MAP2K5: variants seen among roughly 807,000 people sequenced by gnomAD.
The protein encoded by MAP2K5 is dual specificity mitogen-activated protein kinase kinase 5.
MAP2K5 carries 49 observed loss-of-function variants against 83.1 expected under a neutral mutation model. The observed-to-expected ratio is 0.59, with a 90% CI of 0.47 to 0.75. The LOEUF is 0.75. MAP2K5 is among the 30% of genes least tolerant of loss of function. The pLI is 0.00. For synonymous variants in MAP2K5, 202 were observed against 191.8 expected (o/e 1.05, Z -0.44); for missense variants, 457 against 557.5 (o/e 0.82, Z 1.82).
rs2090717687 is a variant in MAP2K5, at chr15:67,802,106, G to A, written c.1243-4540G>A. ...AGCCCTGCCCCCTGCCTCCACGTGG[G>A]AGGGGCCCGGGAGTGTCCTGCTGTC... On this transcript the variant is annotated intron_variant, in intron 21 of 21. Coordinates refer to ENST00000178640, the MANE Select transcript of MAP2K5 (RefSeq NM_145160.3). This position sits in a 1 kb window ranked among gnomAD's most constrained non-coding sequence, Gnocchi z 5.0. 6.6e-6 allele frequency among the ~76,000 whole-genome samples: 1 copy of A among 152,198 alleles called. No individual in the cohort carries two copies. Among genetic ancestry groups the A allele is most frequent in the Non-Finnish European group, 1.5e-5 (1 of 68,030 alleles).
At chr15:67,670,932 C>T (rs1215830267) in intron 13 of MAP2K5, among the ~76,000 whole-genome samples, 5 of 152,132 alleles carry the variant, frequency 3.3e-5, no homozygotes, top group African/African-American at 4.8e-5. Context: ...CCAAGAACTG[C>T]GTATCTGCAG....
At chr15:67,800,048 C>T (rs1338926328) in intron 21 of MAP2K5, among the ~76,000 whole-genome samples, 1 of 152,140 alleles carries the variant, frequency 6.6e-6, no homozygotes, top group African/African-American at 2.4e-5. Context: ...CCTGGCCACG[C>T]CCAGCCTGGA....
At position 67,774,801 on chromosome 15, in the gene MAP2K5, A is replaced by C. The variant is rs149678100; in HGVS notation, c.1242+2049A>C. 6.6e-6 allele frequency among the ~76,000 whole-genome samples: 1 copy of C among 152,204 alleles called. No homozygotes were observed. The highest frequency in any genetic ancestry group is 2.4e-5 in the African/African-American group (1 of 41,440). Reference sequence around the variant, plus strand: ...CACAAAAAGAGCAGTTTATCTCCCAAGCATGGTAACTCCAGCCAGCAGGGT... The same window carrying C: ...CACAAAAAGAGCAGTTTATCTCCCACGCATGGTAACTCCAGCCAGCAGGGT... On this transcript the variant is annotated intron_variant, in intron 21 of 21. Coordinates refer to ENST00000178640, the MANE Select transcript of MAP2K5 (RefSeq NM_145160.3). This position sits in a 1 kb window ranked among gnomAD's most constrained non-coding sequence, Gnocchi z 4.9.
chr15:67,586,551 A>G (rs2085295567), intron 5 of MAP2K5, among the ~76,000 whole-genome samples: 1 of 152,116 alleles, frequency 6.6e-6, no homozygotes, highest in Non-Finnish European at 1.5e-5. Flanking sequence ...TACTTTTTGA[A>G]CATACTGTTT....
chr15:67,594,347 G>A (rs2085478379), intron 7 of MAP2K5, among the ~76,000 whole-genome samples: 1 of 152,084 alleles, frequency 6.6e-6, no homozygotes, highest in Non-Finnish European at 1.5e-5. Context: ...ATTGAGCCTA[G>A]GATATTTATG....
intron 16 of MAP2K5, among the ~76,000 whole-genome samples, chr15:67,709,663 ACT>A (rs989354269): frequency 1.3e-5 from 2 of 152,064 alleles, no homozygotes; most frequent in Non-Finnish European, 2.9e-5. Flanking sequence ...AGAAAGTCCC[ACT>A]CTCATTTTTT....
intron 19 of MAP2K5, among the ~76,000 whole-genome samples, chr15:67,762,587 C>T (rs541505407): frequency 7.1e-5 from 10 of 140,894 alleles, no homozygotes; most frequent in African/African-American, 2.6e-4. Context: ...AAAAAACAAG[C>T]AGACTAAATG....
intron 8 of MAP2K5, chr15:67,628,962 G>C: frequency 3.9e-6 from 3 of 763,768 alleles, no homozygotes; most frequent in Non-Finnish European, 7.1e-6. Context: ...CAATGATTTT[G>C]GCAATTTCAA....
At chr15:67,624,361 A>AAGTGGCAC (rs1275628603) in intron 8 of MAP2K5, among the ~76,000 whole-genome samples, 1 of 149,592 alleles carries the variant, frequency 6.7e-6, no homozygotes, top group Non-Finnish European at 1.5e-5. Flanking sequence ...AAAAAAAAAG[A>AAGTGGCAC]AGTGGCACAG....
At chr15:67,557,900 C>G (rs1373607140) in intron 2 of MAP2K5, among the ~76,000 whole-genome samples, 1 of 152,128 alleles carries the variant, frequency 6.6e-6, no homozygotes, top group Non-Finnish European at 1.5e-5. Context: ...TTAAGTAAAA[C>G]TAGGTAAGTT....
chr15:67,720,465 A>G lies in MAP2K5; in HGVS notation c.1045-7451A>G, dbSNP rs908687029. On this transcript the variant is annotated intron_variant, in intron 16 of 21. Coordinates refer to ENST00000178640, the MANE Select transcript of MAP2K5 (RefSeq NM_145160.3). This position sits in a 1 kb window ranked among gnomAD's most constrained non-coding sequence, Gnocchi z 5.7. ...TGGGACAGCAGGGTTAGAAAGACCA[A>G]GAAACATTTAAAGATTCAAAACAAT... Among the ~76,000 whole-genome samples, 5 of 152,322 alleles carry G rather than the reference A, an allele frequency of 3.3e-5. No individual in the cohort carries two copies. Among genetic ancestry groups the G allele is most frequent in the African/African-American group, 1.2e-4 (5 of 41,572 alleles).
intron 8 of MAP2K5, 52 bp from the exon 9 acceptor site, chr15:67,630,836 T>C (rs1231965392): frequency 1.5e-6 from 2 of 1,356,774 alleles, no homozygotes; most frequent in Non-Finnish European, 2.1e-6. Context: ...CTTAACCATT[T>C]TGTAGGTTGT....
At position 67,636,009 on chromosome 15, in the gene MAP2K5, G is replaced by T. The variant is rs889477869; in HGVS notation, c.585+5082G>T. ...AATAAAGATGGGGTTTTGCCACATT[G>T]TCCAGGCTTGTCTTGAATTCATGGG... On this transcript the variant is annotated intron_variant, in intron 9 of 21. Transcript: ENST00000178640. The surrounding 1 kb of genome is among the most constrained non-coding windows in gnomAD (Gnocchi z 4.7). Among the ~76,000 whole-genome samples the T allele has an allele frequency of 4.0e-5, 6 of 151,828 alleles. No individual in the cohort carries two copies. The highest frequency in any genetic ancestry group is 9.7e-5 in the African/African-American group (4 of 41,312).
intron 8 of MAP2K5, among the ~76,000 whole-genome samples, chr15:67,621,911 C>T (rs543354274): frequency 4.4e-4 from 67 of 152,182 alleles, no homozygotes; most frequent in African/African-American, 1.0e-3. Flanking sequence ...TGGCCGGGTG[C>T]GGTGGCTTAC....
intron 15 of MAP2K5, among the ~76,000 whole-genome samples, chr15:67,700,209 A>T (rs2088380847): frequency 6.6e-6 from 1 of 152,210 alleles, no homozygotes; most frequent in Admixed American, 6.5e-5. Context: ...GCTGAGTCAC[A>T]GAGGGCATCT....
At position 67,779,464 on chromosome 15, in the gene MAP2K5, A is replaced by G. The variant is rs1366144223; in HGVS notation, c.1242+6712A>G. On this transcript the variant is annotated intron_variant, in intron 21 of 21. Transcript: ENST00000178640. This position sits in a 1 kb window ranked among gnomAD's most constrained non-coding sequence, Gnocchi z 4.6. ...CAGGCTTTGTTTTTCCATAGATGTG[A>G]CCACTTAATCTTTTCACAAGACTTT... Among the ~76,000 whole-genome samples, 1 of 152,260 alleles carries G rather than the reference A, an allele frequency of 6.6e-6. No individual in the cohort carries two copies. The highest frequency in any genetic ancestry group is 2.4e-5 in the African/African-American group (1 of 41,466).
At position 67,783,345 on chromosome 15, in the gene MAP2K5, C is replaced by T. The variant is rs1243112897; in HGVS notation, c.1242+10593C>T. On this transcript the variant is annotated intron_variant, in intron 21 of 21. Transcript: ENST00000178640. The surrounding 1 kb of genome is among the most constrained non-coding windows in gnomAD (Gnocchi z 5.1). ...TCACCTACCCCTTCACCTCAGGCCA[C>T]TCCTGTGGAGTCCTGTGCTCCAAAC... 6.6e-6 allele frequency among the ~76,000 whole-genome samples: 1 copy of T among 152,204 alleles called. No homozygotes were observed. Among genetic ancestry groups the T allele is most frequent in the East Asian group, 1.9e-4 (1 of 5,186 alleles).
intron 19 of MAP2K5, among the ~76,000 whole-genome samples, chr15:67,765,800 C>T (rs1461001088): frequency 6.6e-6 from 1 of 152,056 alleles, no homozygotes; most frequent in Admixed American, 6.6e-5. Context: ...TTTTTTTATG[C>T]CTGAGTACCT....
intron 15 of MAP2K5, among the ~76,000 whole-genome samples, chr15:67,699,128 G>GT (rs74409681): frequency 5.4e-3 from 774 of 143,826 alleles, no homozygotes; most frequent in Middle Eastern, 0.011. Context: ...TGCTAGCTAA[G>GT]TTTTTTTTTT....
Sources: allele counts gnomAD v4.1 joint callset (sites outside exome capture counted in the v4.1 genomes callset), GRCh38; gene constraint gnomAD v4.1.1; non-coding constraint Gnocchi (gnomAD v3.1); transcripts MANE v1.5; gene names NCBI Gene and HGNC (gene_info 2026-07-23, HGNC 2026-07-21).